The following CCDC158 variants were observed in gnomAD, a reference collection of about 807,000 sequenced individuals.
The protein encoded by CCDC158 is coiled-coil domain containing 158, also known as coiled-coil domain-containing protein 158.
In CCDC158, 116 loss-of-function variants were observed where a neutral mutation model predicts 138.6. The ratio of observed to expected loss-of-function variants is 0.84; its 90% confidence interval spans 0.72 to 0.98. The LOEUF is 0.98. CCDC158 is among the 50% of genes least tolerant of loss of function. The pLI, the probability that CCDC158 is intolerant of heterozygous loss-of-function variation, is 0.00. For missense variants in CCDC158, 1,265 were observed against 1,306.1 expected (o/e 0.97, Z 0.48); for synonymous variants, 436 against 442.4 (o/e 0.99, Z 0.18).
In CCDC158 at chr4:76,351,743, G is replaced by A; in HGVS notation, c.2515C>T (p.Leu839Phe). The change falls in exon 17 of 25, where the codon CTT becomes TTT. Residue 839 changes from leucine to phenylalanine, a missense_variant. Transcript: ENST00000682701. Reference protein sequence around the residue: ...RQEQESVRLKLQHTLDIKELQ... With the variant: ...RQEQESVRLKFQHTLDIKELQ... Reference sequence around the variant, plus strand: ...ACTTTTATATCCAAAGTGTGTTGAAGTTTTAAGCGCACTGATTCTTGCTCC... The same window carrying A: ...ACTTTTATATCCAAAGTGTGTTGAAATTTTAAGCGCACTGATTCTTGCTCC... 6.2e-7 allele frequency: 1 copy of A among 1,612,110 alleles called. No individual in the cohort carries two copies. Among genetic ancestry groups the A allele is most frequent in the East Asian group, 2.2e-5 (1 of 44,820 alleles).
intron 23 of CCDC158, among the ~76,000 whole-genome samples, chr4:76,324,426 A>G (rs1302436426): frequency 6.6e-6 from 1 of 152,092 alleles, no homozygotes; most frequent in Non-Finnish European, 1.5e-5. Flanking sequence ...ACCTCAGGTG[A>G]TCCACCCACC....
At chr4:76,340,825 A>C (rs10031335) in intron 18 of CCDC158, among the ~76,000 whole-genome samples, 4,083 of 152,242 alleles carry the variant, frequency 0.027, 175 homozygotes, top group African/African-American at 0.092. Flanking sequence ...AAATCATCCC[A>C]AAATCACCCC....
chr4:76,381,537 G>C (rs1183024692), intron 8 of CCDC158, among the ~76,000 whole-genome samples: 1 of 152,236 alleles, frequency 6.6e-6, no homozygotes, highest in African/African-American at 2.4e-5. Flanking sequence ...TAACCCAGTT[G>C]TATCTTGGAA....
chr4:76,372,547 C>T (rs192426034), intron 9 of CCDC158, among the ~76,000 whole-genome samples: 8 of 152,130 alleles, frequency 5.3e-5, no homozygotes, highest in East Asian at 3.9e-4. Context: ...ATCAAAGTTT[C>T]GGTAATAAAA....
intron 17 of CCDC158, among the ~76,000 whole-genome samples, 182 bp from the exon 18 acceptor site, chr4:76,351,303 TA>T (rs55740614): frequency 0.33 from 49,686 of 150,086 alleles, 9,540 homozygotes; most frequent in Non-Finnish European, 0.45. Flanking sequence ...ATGTACGATT[TA>T]AAAAAAAAAC....
At chr4:76,400,845 A>G (rs1728308067) in intron 3 of CCDC158, among the ~76,000 whole-genome samples, 1 of 152,204 alleles carries the variant, frequency 6.6e-6, no homozygotes, top group African/African-American at 2.4e-5. Flanking sequence ...TAAGAGTGCA[A>G]GAGAATAATA....
In CCDC158 at chr4:76,347,034, C is replaced by T. The variant is rs549138510; in HGVS notation, c.2664+3962G>A. Among the ~76,000 whole-genome samples, 35 of 152,206 alleles carry T rather than the reference C, an allele frequency of 2.3e-4. No individual in the cohort carries two copies. In the Middle Eastern group the frequency reaches 0.02, roughly 89 times the overall value. On this transcript the variant is annotated intron_variant, in intron 18 of 24. Coordinates refer to ENST00000682701, the MANE Select transcript of CCDC158 (RefSeq NM_001394954.1). Reference sequence around the variant, plus strand: ...TTAAAAAGTCAGGAAAAAACAAACGCTGGAGAGGATGTAGAGAAATAGGAA... The same window carrying T: ...TTAAAAAGTCAGGAAAAAACAAACGTTGGAGAGGATGTAGAGAAATAGGAA...
intron 3 of CCDC158, among the ~76,000 whole-genome samples, chr4:76,400,256 G>C (rs1350417203): frequency 1.3e-5 from 2 of 152,052 alleles, no homozygotes; most frequent in Non-Finnish European, 2.9e-5. Flanking sequence ...CTTTTGTAGA[G>C]ACATGGATGA....
chr4:76,411,615 C>T (rs906527588), intron 2 of CCDC158, among the ~76,000 whole-genome samples: 6 of 152,126 alleles, frequency 3.9e-5, no homozygotes, highest in African/African-American at 1.4e-4. Flanking sequence ...TCGCATTTCA[C>T]CCATACATAA....
At chr4:76,397,472 C>G (rs568651882) in intron 3 of CCDC158, among the ~76,000 whole-genome samples, 56 of 152,102 alleles carry the variant, frequency 3.7e-4, no homozygotes, top group South Asian at 2.9e-3. Flanking sequence ...TAATAACCAC[C>G]TCACAGAGAA....
intron 1 of CCDC158, among the ~76,000 whole-genome samples, chr4:76,415,939 G>C (rs899832695): frequency 4.6e-5 from 7 of 152,322 alleles, no homozygotes; most frequent in African/African-American, 1.7e-4. Flanking sequence ...TCCACCTCTT[G>C]TGGAGGGCCT....
At chr4:76,348,206 T>C (rs924251294) in intron 18 of CCDC158, among the ~76,000 whole-genome samples, 3 of 148,252 alleles carry the variant, frequency 2.0e-5, no homozygotes, top group Non-Finnish European at 4.4e-5. Flanking sequence ...GGGTGGATCC[T>C]GAGGTCAGGA....
Position 76,369,584 on chromosome 4 carries a change from T to C in CCDC158, c.1189A>G (p.Lys397Glu). Reference protein sequence around the residue: ...HKREKELSLEKEQNKRLWDRD... With the variant: ...HKREKELSLEEEQNKRLWDRD... ...TCCCACAGACGCTTATTCTGCTCCT[T>C]CTCCAGACTCAGCTCCTTCTCCCTT... Residue 397 changes from lysine to glutamate, a missense_variant, in exon 11 of 25, where the codon AAG becomes GAG. By Grantham distance (56) the Lys-to-Glu change is moderately conservative. Transcript: ENST00000682701. 1 of 1,614,100 alleles carries C rather than the reference T, an allele frequency of 6.2e-7. No homozygotes were observed. The highest frequency in any genetic ancestry group is 8.5e-7 in the Non-Finnish European group (1 of 1,180,002).
At chr4:76,381,079 C>T (rs913034602) in intron 8 of CCDC158, among the ~76,000 whole-genome samples, 1 of 152,204 alleles carries the variant, frequency 6.6e-6, no homozygotes, top group Non-Finnish European at 1.5e-5. Context: ...CAGACATCTG[C>T]TGTAGGAGTA....
intron 18 of CCDC158, among the ~76,000 whole-genome samples, chr4:76,346,859 A>T (rs1319140005): frequency 6.6e-6 from 1 of 152,240 alleles, no homozygotes; most frequent in Admixed American, 6.5e-5. Context: ...TCCATCAAAA[A>T]GTGGGTGAAG....
intron 4 of CCDC158, among the ~76,000 whole-genome samples, chr4:76,388,744 C>T (rs1406647218): frequency 6.6e-6 from 1 of 152,084 alleles, no homozygotes; most frequent in African/African-American, 2.4e-5. Context: ...CCAGTGGTGG[C>T]AGCCACAGGA....
At chr4:76,327,382 C>T (rs537911455) in intron 22 of CCDC158, among the ~76,000 whole-genome samples, 70 of 152,058 alleles carry the variant, frequency 4.6e-4, no homozygotes, top group Non-Finnish European at 9.3e-4. Context: ...CTGAGAATTG[C>T]GTTGTTAGTT....
Position 76,396,472 on chromosome 4 carries a change from A to T in CCDC158, c.85T>A (p.Phe29Ile). Residue 29 changes from phenylalanine (F) to isoleucine (I), a missense_variant, in exon 4 of 25, where the codon TTT (phenylalanine) becomes ATT (isoleucine). Transcript: ENST00000682701. ...VTSNGGSSSS[F>I]FVSSIRGTII... ...GTACCACGAATAGATGACACAAAAA[A>T]TGAACTTGAAGAACCTAAATATTAA... The T allele has an allele frequency of 6.2e-7, 1 of 1,604,406 alleles. No homozygotes were observed. Among genetic ancestry groups the T allele is most frequent in the Non-Finnish European group, 8.5e-7 (1 of 1,177,154 alleles).
intron 18 of CCDC158, among the ~76,000 whole-genome samples, chr4:76,337,069 C>T (rs1292067035): frequency 1.3e-5 from 2 of 152,162 alleles, no homozygotes; most frequent in Admixed American, 6.5e-5. Flanking sequence ...CCGCCTTGAC[C>T]TCTCAGGCTC....
Sources: allele counts gnomAD v4.1 joint callset (sites outside exome capture counted in the v4.1 genomes callset), GRCh38; gene constraint gnomAD v4.1.1; transcripts MANE v1.5; gene names NCBI Gene and HGNC (gene_info 2026-07-23, HGNC 2026-07-21).